LMBR1L: variants seen among roughly 807,000 people sequenced by gnomAD.
LMBR1L encodes protein LMBR1L.
In LMBR1L, 47 loss-of-function variants were observed where a neutral mutation model predicts 67.3. The ratio of observed to expected loss-of-function variants is 0.70; its 90% CI spans 0.55 to 0.89. The LOEUF is 0.89. Ranked by LOEUF, LMBR1L falls within the 40% of genes least tolerant of loss-of-function variation. LMBR1L has a pLI of 0.00. For missense variants in LMBR1L, 533 were observed against 599.2 expected (o/e 0.89, Z 1.15); for synonymous variants, 247 against 250.3 (o/e 0.99, Z 0.13).
At chr12:49,104,708 C>T (rs1457433242) in intron 4 of LMBR1L, 38 bp downstream of exon 4, 1 of 1,611,270 alleles carries the variant, frequency 6.2e-7, no homozygotes, top group African/African-American at 1.3e-5. Flanking sequence ...CTCTCTGCTC[C>T]CTATCCCTAC....
At chr12:49,106,904 CCT>C (rs1290141657) in intron 2 of LMBR1L, 55 bp downstream of exon 2, 21 of 1,363,200 alleles carry the variant, frequency 1.5e-5, no homozygotes, top group African/African-American at 2.9e-5. Context: ...GGCCCATTCC[CCT>C]GAGGCTGGTC....
Position 49,097,375 on chromosome 12 carries a change from G to C in LMBR1L, c.*297C>G. The C allele has an allele frequency of 4.8e-6, 2 of 420,296 alleles. No homozygotes were observed. The highest frequency in any genetic ancestry group is 8.9e-6 in the Non-Finnish European group (2 of 224,858). The allele number at this position is 420,296 out of a possible 1,614,324, so 26.0% of individuals were successfully genotyped here. A position where few individuals can be genotyped will look rare whatever the true frequency, so the allele number is the denominator to read the frequency against. The stretch of plus-strand genomic sequence containing the variant: ...ATCAAATCATGTAAACATGGCTATG[G>C]GGATGGCCCAGAACAGCAGTGAGGC... On this transcript the variant is annotated 3_prime_UTR_variant, in exon 17 of 17. Coordinates refer to ENST00000267102, the MANE Select transcript of LMBR1L (RefSeq NM_018113.4).
At position 49,101,467 on chromosome 12, in the gene LMBR1L, G is replaced by C. The variant is rs905208945; in HGVS notation, c.1008+5C>G. On this transcript the variant is annotated splice_donor_5th_base_variant and intron_variant, in intron 12 of 16. Coordinates refer to ENST00000267102, the MANE Select transcript of LMBR1L (RefSeq NM_018113.4). ...AAAGGATATGGTGGGAGGGCAGCCT[G>C]GTACCTGCATGCCTCGGGGCATGGC... 2 of 1,613,628 alleles carry C rather than the reference G, an allele frequency of 1.2e-6. No homozygotes were observed. Among genetic ancestry groups the C allele is most frequent in the African/African-American group, 2.7e-5 (2 of 74,924 alleles).
intron 16 of LMBR1L, 47 bp from the exon 17 acceptor site, chr12:49,097,786 C>A: frequency 6.2e-7 from 1 of 1,611,134 alleles, no homozygotes; most frequent in South Asian, 1.1e-5. Flanking sequence ...AAGGTCCAGT[C>A]CGTTAGGGAC....
chr12:49,102,180 AGCCTTCC>A lies in LMBR1L; in HGVS notation c.863_869del (p.Arg288LeufsTer20), dbSNP rs1283476590. On this transcript the variant is annotated frameshift_variant, in exon 11 of 17. Transcript: ENST00000267102. LOFTEE classifies it high-confidence loss of function. Reference sequence around the variant, plus strand: ...AGCCCAGGTTCCGTTGCCAGGCTGAAGCCTTCCGCCTCTTCTCTGTGCAGGGATGGGA... The same window carrying A: ...AGCCCAGGTTCCGTTGCCAGGCTGAAGCCTCTTCTCTGTGCAGGGATGGGA... 1 of 1,614,180 alleles carries A rather than the reference AGCCTTCC, an allele frequency of 6.2e-7. No homozygotes were observed. Among genetic ancestry groups the A allele is most frequent in the Admixed American group, 1.7e-5 (1 of 60,020 alleles).
intron 8 of LMBR1L, 93 bp from the exon 9 acceptor site, chr12:49,102,633 C>T: frequency 7.7e-7 from 1 of 1,306,196 alleles, no homozygotes; most frequent in Admixed American, 1.9e-5. Flanking sequence ...CTCCGTAGTC[C>T]CAGGCTTCCC....
At position 49,102,498 on chromosome 12, in the gene LMBR1L, CA is replaced by C. The variant is rs1211478836; in HGVS notation, c.738del (p.Phe246LeufsTer6). 3.7e-6 allele frequency: 6 copies of C among 1,614,092 alleles called. No individual in the cohort carries two copies. The African/African-American group carries it at 8.0e-5, about 22-fold the overall frequency. On this transcript the variant is annotated frameshift_variant, in exon 9 of 17. Transcript: ENST00000267102. LOFTEE classifies it high-confidence loss of function. ...ATCCTGCGGGTCAGGGCTGCCTCCT[CA>C]AAGGCTGAGCAGTACAGCTGCTCCT... ...DLEEQLYCSAFEEAALTRRIC... is the reference protein window; with the variant it reads ...DLEEQLYCSAXEEAALTRRIC...
Position 49,103,794 on chromosome 12 carries a change from T to C in LMBR1L, c.455A>G (p.Tyr152Cys), listed in dbSNP as rs747857595. 3.4e-5 allele frequency: 55 copies of C among 1,613,636 alleles called. No individual in the cohort carries two copies. The highest frequency in any genetic ancestry group is 1.3e-4 in the East Asian group (6 of 44,868). The change falls in exon 6 of 17, where the codon TAT (tyrosine) becomes TGT (cysteine). Residue 152 changes from tyrosine (Y) to cysteine (C), a missense_variant. Physicochemically the swap from Tyr to Cys is radical, Grantham distance 194. This residue lies in a region of LMBR1L where 246 missense variants were observed against 249.0 expected (regional missense o/e 0.99). Coordinates refer to ENST00000267102, the MANE Select transcript of LMBR1L (RefSeq NM_018113.4). ...GSRKGVLGRVYETVVMLMLLT... is the reference protein window; with the variant it reads ...GSRKGVLGRVCETVVMLMLLT... The stretch of plus-strand genomic sequence containing the variant: ...GAGCATCAACATCACCACTGTCTCA[T>C]AGACCCGGCCCAGGACACCCTACGG...
chr12:49,110,567 C>G lies in LMBR1L; in HGVS notation c.-12G>C, dbSNP rs767837456. The stretch of plus-strand genomic sequence containing the variant: ...TCAGGTGCTTCCATACTCTGCTCAG[C>G]ATGACTGAAGCCGAGGTGCCTCTGG... On this transcript the variant is annotated 5_prime_UTR_variant, in exon 1 of 17. The change abolishes an upstream ATG in the 5' untranslated region. Transcript: ENST00000267102. The G allele has an allele frequency of 6.2e-7, 1 of 1,613,366 alleles. No individual in the cohort carries two copies. Among genetic ancestry groups the G allele is most frequent in the Non-Finnish European group, 8.5e-7 (1 of 1,179,390 alleles).
At chr12:49,097,776 A>G in intron 16 of LMBR1L, 37 bp from the exon 17 acceptor site, 2 of 1,613,542 alleles carry the variant, frequency 1.2e-6, no homozygotes, top group Non-Finnish European at 1.7e-6. Flanking sequence ...AAGCAAGTCA[A>G]AGGTCCAGTC....
intron 1 of LMBR1L, among the ~76,000 whole-genome samples, chr12:49,108,044 CA>C (rs1355592425): frequency 6.6e-6 from 1 of 152,150 alleles, no homozygotes; most frequent in Non-Finnish European, 1.5e-5. Context: ...GTGGGAGGAT[CA>C]TGAGGTCAGG....
intron 4 of LMBR1L, 92 bp downstream of exon 4, chr12:49,104,654 G>T: frequency 6.3e-7 from 1 of 1,581,300 alleles, no homozygotes; most frequent in South Asian, 1.1e-5. Flanking sequence ...TGCGACATAT[G>T]ACTGCTTGGC....
intron 15 of LMBR1L, among the ~76,000 whole-genome samples, chr12:49,099,486 C>G (rs1038058171): frequency 2.0e-5 from 3 of 151,828 alleles, no homozygotes; most frequent in African/African-American, 7.3e-5. Flanking sequence ...ATATAAAATA[C>G]AGAGGATGAT....
rs141299860 is a variant in LMBR1L at position 49,097,710 on chromosome 12, C to G, written c.1432G>C (p.Gly478Arg). 3 of 1,613,850 alleles carry G rather than the reference C, an allele frequency of 1.9e-6. No homozygotes were observed. The highest frequency in any genetic ancestry group is 4.5e-5 in the East Asian group (2 of 44,882). The change falls in exon 17 of 17, where the codon GGT becomes CGT. Residue 478 changes from glycine to arginine, a missense_variant. By Grantham distance (125) the Gly-to-Arg change is moderately radical. This residue lies in a region of LMBR1L where 223 missense variants were observed against 241.2 expected (regional missense o/e 0.92). Coordinates refer to ENST00000267102, the MANE Select transcript of LMBR1L (RefSeq NM_018113.4). ...GLDRLPLPVS[G>R]FPQASRKTQH... Reference sequence around the variant, plus strand: ...GTCTTCCTAGATGCCTGGGGGAAACCGGAGACGGGCAGCGGCAGTCTGTCC... The same window carrying G: ...GTCTTCCTAGATGCCTGGGGGAAACGGGAGACGGGCAGCGGCAGTCTGTCC...
intron 1 of LMBR1L, chr12:49,109,597 C>T (rs866301018): frequency 1.2e-5 from 5 of 426,764 alleles, no homozygotes; most frequent in Admixed American, 5.6e-5. Context: ...ATTCCCTTTC[C>T]ATTTACTATC....
intron 3 of LMBR1L, among the ~76,000 whole-genome samples, chr12:49,105,704 A>G (rs899597613): frequency 1.3e-5 from 2 of 152,198 alleles, no homozygotes; most frequent in Non-Finnish European, 1.5e-5. Context: ...GTTCCTGGCC[A>G]TGAGGCTCCC....
Position 49,100,617 on chromosome 12 carries a change from A to G in LMBR1L, c.1112T>C (p.Phe371Ser), listed in dbSNP as rs1276570134. Residue 371 changes from phenylalanine to serine, a missense_variant, in exon 14 of 17, where the codon TTC becomes TCC. Phe to Ser is a radical substitution (Grantham distance 155). This residue lies in a region of LMBR1L where 223 missense variants were observed against 241.2 expected (regional missense o/e 0.92). Transcript: ENST00000267102. ...GCTCCGGAAGAGTGGAGAGCTATAG[A>G]AGCCCACAACTGAGGACACCATTAG... Reference protein sequence around the residue: ...FYLMVSSVVGFYSSPLFRSLR... With the variant: ...FYLMVSSVVGSYSSPLFRSLR... 1 of 1,614,014 alleles carries G rather than the reference A, an allele frequency of 6.2e-7. No homozygotes were observed. The highest frequency in any genetic ancestry group is 8.5e-7 in the Non-Finnish European group (1 of 1,179,982).
rs182896546 is a variant in LMBR1L, at chr12:49,100,828, A to C, written c.1083-182T>G. 242 of 611,438 alleles carry C rather than the reference A, an allele frequency of 4.0e-4. 1 individual carries two copies. Among genetic ancestry groups the C allele is most frequent in the African/African-American group, 3.9e-3 (211 of 53,866 alleles). The allele number at this position is 611,438 out of a possible 1,614,324, so 37.9% of individuals were successfully genotyped here. On this transcript the variant is annotated intron_variant, in intron 13 of 16. Coordinates refer to ENST00000267102, the MANE Select transcript of LMBR1L (RefSeq NM_018113.4). ...CTGCAACCTTGACCTTCTGGGCTTA[A>C]GCGATCTTCCCACGTCAGCCTCCCA...
intron 11 of LMBR1L, chr12:49,101,812 T>C: frequency 1.7e-6 from 1 of 583,516 alleles, no homozygotes. Context: ...ATGAGATCTA[T>C]AACTGAGTCC....
Sources: gnomAD v4.1 joint callset for allele counts (sites outside exome capture counted in the v4.1 genomes callset) on GRCh38, gnomAD v4.1.1 for gene constraint, gnomAD v4.1.1 regional missense constraint, MANE v1.5 for transcripts, NCBI Gene and HGNC (gene_info 2026-07-23, HGNC 2026-07-21) for gene names.